The following MCTP1 variants were observed in gnomAD, a reference collection of about 807,000 sequenced individuals.
MCTP1 encodes multiple C2 and transmembrane domain-containing protein 1.
In MCTP1, 69 loss-of-function variants were observed where a neutral mutation model predicts 120.6. The observed-to-expected ratio is 0.57, with a 90% confidence interval of 0.47 to 0.70. The LOEUF is 0.70. Among genes scored for constraint, MCTP1 ranks in the 30% least tolerant of loss-of-function variants. The pLI is 0.00. For synonymous variants in MCTP1, 529 were observed against 493.1 expected, an observed-to-expected ratio of 1.07 and a Z score of -0.96; for missense variants, 1,203 against 1,248.8, an observed-to-expected ratio of 0.96 and a Z score of 0.55.
intron 19 of MCTP1, among the ~76,000 whole-genome samples, chr5:94,740,409 T>A (rs780754427): frequency 3.3e-5 from 5 of 152,204 alleles, no homozygotes; most frequent in Non-Finnish European, 5.9e-5. Flanking sequence ...AATGCAAATT[T>A]TTTTTAGTGC....
chr5:94,769,976 A>G (rs140412930), intron 19 of MCTP1, among the ~76,000 whole-genome samples: 270 of 152,338 alleles, frequency 1.8e-3, no homozygotes, highest in African/African-American at 6.3e-3. Flanking sequence ...CTCTATTTAT[A>G]TAGCCAACTC....
chr5:94,932,952 G>A (rs1815176326), intron 5 of MCTP1, among the ~76,000 whole-genome samples: 1 of 151,890 alleles, frequency 6.6e-6, no homozygotes, highest in Admixed American at 6.6e-5. Flanking sequence ...ACACAAAAAT[G>A]AAAAGATTTT....
chr5:94,752,514 C>T (rs10056977), intron 19 of MCTP1, among the ~76,000 whole-genome samples: 43,267 of 151,818 alleles, frequency 0.28, 7,031 homozygotes, highest in Non-Finnish European at 0.38. Context: ...CTAAGGACCA[C>T]CCAGTTAAAA....
chr5:95,053,868 A>G (rs1045201095), intron 1 of MCTP1, among the ~76,000 whole-genome samples: 2 of 152,210 alleles, frequency 1.3e-5, no homozygotes, highest in African/African-American at 4.8e-5. Flanking sequence ...GTATTATGTA[A>G]TAAGATTGAA....
At chr5:95,077,214 A>G (rs556510833) in intron 1 of MCTP1, among the ~76,000 whole-genome samples, 5 of 152,212 alleles carry the variant, frequency 3.3e-5, no homozygotes, top group African/African-American at 1.2e-4. Flanking sequence ...TCTTAAGAGT[A>G]CCTTTCTTTT....
chr5:94,743,639 T>G (rs1457591206), intron 19 of MCTP1, among the ~76,000 whole-genome samples: 2 of 144,708 alleles, frequency 1.4e-5, no homozygotes, highest in Non-Finnish European at 3.0e-5. Flanking sequence ...ACATTTTTTT[T>G]TTTTTTTTTT....
At chr5:94,818,883 T>C (rs17418283) in intron 17 of MCTP1, among the ~76,000 whole-genome samples, 30,581 of 152,142 alleles carry the variant, frequency 0.2, 4,043 homozygotes, top group Middle Eastern at 0.3. Context: ...TTTCTCATCA[T>C]CTTAGAAAAT....
chr5:95,196,076 T>C (rs967886608), intron 1 of MCTP1, among the ~76,000 whole-genome samples: 3 of 152,198 alleles, frequency 2.0e-5, no homozygotes, highest in African/African-American at 7.2e-5. Flanking sequence ...GATATGTTTA[T>C]CGCTACTAGG....
At chr5:95,280,393 A>G (rs1760217426) in intron 1 of MCTP1, among the ~76,000 whole-genome samples, 1 of 152,250 alleles carries the variant, frequency 6.6e-6, no homozygotes, top group African/African-American at 2.4e-5. Flanking sequence ...ATTCATAAAC[A>G]CTACATGCTT....
At chr5:95,091,402 T>A (rs1562135510) in intron 1 of MCTP1, among the ~76,000 whole-genome samples, 2 of 152,232 alleles carry the variant, frequency 1.3e-5, no homozygotes, top group East Asian at 1.9e-4. Context: ...AGGTGGGATC[T>A]ATGTCTTCTC....
chr5:94,876,821 G>A (rs1385542930), intron 12 of MCTP1, among the ~76,000 whole-genome samples: 3 of 151,814 alleles, frequency 2.0e-5, no homozygotes, highest in East Asian at 1.9e-4. Flanking sequence ...TTGAGGACAC[G>A]GCAATTTTCC....
At chr5:95,259,519 A>G (rs1448379062) in intron 1 of MCTP1, among the ~76,000 whole-genome samples, 1 of 152,144 alleles carries the variant, frequency 6.6e-6, no homozygotes, top group Non-Finnish European at 1.5e-5. Flanking sequence ...ACATACTCGA[A>G]ATCAACAACA....
At chr5:94,786,552 A>C (rs1467319386) in intron 18 of MCTP1, among the ~76,000 whole-genome samples, 1 of 152,218 alleles carries the variant, frequency 6.6e-6, no homozygotes, top group East Asian at 1.9e-4. Context: ...AATGTTCACG[A>C]AACTTCACAC....
intron 17 of MCTP1, among the ~76,000 whole-genome samples, chr5:94,861,603 T>C (rs1295458321): frequency 5.9e-5 from 9 of 151,870 alleles, no homozygotes; most frequent in African/African-American, 2.2e-4. Context: ...CTTTTTCCTT[T>C]GCAAAGTACT....
chr5:95,279,452 G>A (rs116774795), intron 1 of MCTP1, among the ~76,000 whole-genome samples: 3,109 of 152,180 alleles, frequency 0.02, 39 homozygotes, highest in Non-Finnish European at 0.03. Flanking sequence ...TTCCAACACT[G>A]CAAGTAACAT....
chr5:94,870,882 A>T lies in MCTP1; in HGVS notation c.2231T>A (p.Ile744Asn). 1 of 1,611,252 alleles carries T rather than the reference A, an allele frequency of 6.2e-7. No homozygotes were observed. Among genetic ancestry groups the T allele is most frequent in the East Asian group, 2.2e-5 (1 of 44,822 alleles). Residue 744 changes from isoleucine (I) to asparagine (N), a missense_variant, in exon 15 of 23, where the codon ATT (isoleucine) becomes AAT (asparagine). Transcript: ENST00000515393. ...AAAGTTAAGACTTACAGCATTAAAAATCACATCTATTTCAAGATAGATGAC... is the reference window on the plus strand; with the variant it reads ...AAAGTTAAGACTTACAGCATTAAAATTCACATCTATTTCAAGATAGATGAC... The part of the protein sequence containing the change: ...KGVIYLEIDV[I>N]FNAVKASLRT...
intron 17 of MCTP1, among the ~76,000 whole-genome samples, chr5:94,806,009 CA>C (rs1782191559): frequency 6.6e-6 from 1 of 151,532 alleles, no homozygotes; most frequent in Non-Finnish European, 1.5e-5. Context: ...TGCGTCAGTA[CA>C]AAGAAATGGA....
At chr5:94,785,670 C>A (rs1777520404) in intron 18 of MCTP1, among the ~76,000 whole-genome samples, 1 of 151,986 alleles carries the variant, frequency 6.6e-6, no homozygotes, top group African/African-American at 2.4e-5. Context: ...TATTTAGAAC[C>A]AATTTTTCCA....
At chr5:94,906,158 G>A (rs1252440475) in intron 10 of MCTP1, among the ~76,000 whole-genome samples, 2 of 152,104 alleles carry the variant, frequency 1.3e-5, no homozygotes, top group Non-Finnish European at 2.9e-5. Context: ...GGCTTGTTGG[G>A]GGCAAATGCC....
Sources: allele counts gnomAD v4.1 joint callset (sites outside exome capture counted in the v4.1 genomes callset), GRCh38; gene constraint gnomAD v4.1.1; transcripts MANE v1.5; gene names NCBI Gene and HGNC (gene_info 2026-07-23, HGNC 2026-07-21).